FADS3: variants seen among roughly 807,000 people sequenced by gnomAD.
FADS3 encodes cytochrome b5-related protein.
Under a neutral mutation model 60.4 loss-of-function variants are expected in FADS3, and 30 were observed. That is an observed-to-expected ratio of 0.50 (90% CI 0.37 to 0.67). The LOEUF is 0.67. Ranked by LOEUF, FADS3 falls within the 30% of genes least tolerant of loss-of-function variation. The pLI, the probability that FADS3 is intolerant of heterozygous loss-of-function variation, is 0.00. For synonymous variants in FADS3, 234 were observed against 249.3 expected, an observed-to-expected ratio of 0.94 and a Z score of 0.58; for missense variants, 432 against 598.3, an observed-to-expected ratio of 0.72 and a Z score of 2.90.
chr11:61,886,966 G>C (rs1286598919), intron 1 of FADS3, among the ~76,000 whole-genome samples: 1 of 152,188 alleles, frequency 6.6e-6, no homozygotes, highest in Non-Finnish European at 1.5e-5. Flanking sequence ...ACAGTTGTTA[G>C]GGCTTCAGCC....
intron 1 of FADS3, among the ~76,000 whole-genome samples, chr11:61,884,508 G>A (rs765221720): frequency 4.6e-5 from 7 of 152,182 alleles, no homozygotes; most frequent in Non-Finnish European, 8.8e-5. Context: ...TGTGCTTGTC[G>A]CCACTCCTGG....
Position 61,880,064 on chromosome 11 carries a change from G to A in FADS3, c.301C>T (p.Pro101Ser), listed in dbSNP as rs1247546556. The change falls in exon 2 of 12, where the codon CCC becomes TCC. Residue 101 changes from proline (P) to serine (S), a missense_variant. Physicochemically the swap from Pro to Ser is moderately conservative, Grantham distance 74 (BLOSUM62 -1). Coordinates refer to ENST00000278829, the MANE Select transcript of FADS3 (RefSeq NM_021727.5). ...ACATTCAGGGGTCCATCCTGGCTGG[G>A]TTCTTCCGGAGCCAGCTCTCCAATC... ...LLIGELAPEEPSQDGPLNAQL... is the reference protein window; with the variant it reads ...LLIGELAPEESSQDGPLNAQL... The A allele has an allele frequency of 6.8e-6, 11 of 1,614,026 alleles. No homozygotes were observed. The highest frequency in any genetic ancestry group is 1.7e-4 in the Middle Eastern group (1 of 6,060).
In FADS3 at chr11:61,880,367, C is replaced by T. The variant is rs928372109; in HGVS notation, c.214-216G>A. The T allele has an allele frequency of 1.2e-5, 5 of 428,232 alleles. No homozygotes were observed. The Admixed American group carries it at 1.9e-4, about 17-fold the overall frequency. 26.5% of individuals were successfully genotyped at this position (428,232 alleles called of 1,614,324 possible). A position where few individuals can be genotyped will look rare whatever the true frequency, so the allele number is the denominator to read the frequency against. On this transcript the variant is annotated intron_variant, in intron 1 of 11. Transcript: ENST00000278829. ...GCTTTTCACCCATTGCCTGCTGTGC[C>T]CCATCCACTTCACCCAGCACAAGGG...
In FADS3 at chr11:61,873,530, T is replaced by C; in HGVS notation, c.*284A>G. The stretch of plus-strand genomic sequence containing the variant: ...ATTCACCACTCCACTCCATAATACA[T>C]CTGAATGTATTTTAATATAAAAATA... On this transcript the variant is annotated 3_prime_UTR_variant, in exon 12 of 12. Coordinates refer to ENST00000278829, the MANE Select transcript of FADS3 (RefSeq NM_021727.5). 2 of 508,746 alleles carry C rather than the reference T, an allele frequency of 3.9e-6. No individual in the cohort carries two copies. The highest frequency in any genetic ancestry group is 3.7e-5 in the East Asian group (1 of 26,674). 31.5% of individuals were successfully genotyped at this position (508,746 alleles called of 1,614,324 possible).
Position 61,877,473 on chromosome 11 carries a change from G to A in FADS3, c.885+38C>T. On this transcript the variant is annotated intron_variant, in intron 7 of 11. Transcript: ENST00000278829. The surrounding 1 kb of genome is among the most constrained non-coding windows in gnomAD (Gnocchi z 4.7). ...CCCCGAGGCACCACCTCCTGCCACG[G>A]CAGCCGTATGCCCGGGGTCCTGGGC... The A allele has an allele frequency of 6.3e-7, 1 of 1,599,804 alleles. No homozygotes were observed. Among genetic ancestry groups the A allele is most frequent in the Admixed American group, 1.7e-5 (1 of 59,992 alleles).
In FADS3 at chr11:61,876,216, T is replaced by C; in HGVS notation, c.1081-26A>G. 1.3e-6 allele frequency: 2 copies of C among 1,585,828 alleles called. No individual in the cohort carries two copies. Among genetic ancestry groups the C allele is most frequent in the Non-Finnish European group, 1.7e-6 (2 of 1,166,644 alleles). On this transcript the variant is annotated intron_variant, in intron 9 of 11. Coordinates refer to ENST00000278829, the MANE Select transcript of FADS3 (RefSeq NM_021727.5). The surrounding 1 kb of genome is among the most constrained non-coding windows in gnomAD (Gnocchi z 5.7). ...CTGCCGGAAGCCGGCGGGGCACATG[T>C]GAGGAGGCCGTTGCAGATCCCTGAC...
At position 61,884,217 on chromosome 11, in the gene FADS3, G is replaced by C. The variant is rs78811575; in HGVS notation, c.214-4066C>G. 7.8e-3 allele frequency among the ~76,000 whole-genome samples: 1,183 copies of C among 152,270 alleles called. 17 individuals are homozygous for C. The highest frequency in any genetic ancestry group is 0.027 in the African/African-American group (1,110 of 41,530). On this transcript the variant is annotated intron_variant, in intron 1 of 11. Transcript: ENST00000278829. ...GTTCCATTTGACCGAGGTTAGATCA[G>C]AGTCCAGGTCTCTTCTCACTCATAA...
In FADS3 at chr11:61,877,829, C is replaced by A. The variant is rs567396015; in HGVS notation, c.809-242G>T. ...GGCCAGACTTGAGTCCTCACTCTGT[C>A]CGCCCCAACAACTGCCCAAAGACTC... is the stretch of plus-strand genomic sequence containing the variant. On this transcript the variant is annotated intron_variant, in intron 6 of 11. Transcript: ENST00000278829. This position sits in a 1 kb window ranked among gnomAD's most constrained non-coding sequence, Gnocchi z 4.7. 29 of 596,336 alleles carry A rather than the reference C, an allele frequency of 4.9e-5. No homozygotes were observed. The highest frequency in any genetic ancestry group is 4.5e-4 in the Middle Eastern group (1 of 2,242). 36.9% of individuals were successfully genotyped at this position (596,336 alleles called of 1,614,324 possible). A position where few individuals can be genotyped will look rare whatever the true frequency, so the allele number is the denominator to read the frequency against.
Position 61,876,392 on chromosome 11 carries a change from G to T in FADS3, c.1047C>A (p.Gly349=). The change falls in exon 9 of 12, where the codon GGC becomes GGA. Residue 349 remains glycine (G), a synonymous_variant. Transcript: ENST00000278829. The surrounding 1 kb of genome is among the most constrained non-coding windows in gnomAD (Gnocchi z 5.7). The stretch of plus-strand genomic sequence containing the variant: ...TGACCCAGTCCCGGTGCTTCTCGTG[G>T]CCGATCTCCTTGGGGATGTGGTTCA... The part of the protein sequence containing the change: ...TQMNHIPKEI[G]HEKHRDWVSS... 1 of 1,613,374 alleles carries T rather than the reference G, an allele frequency of 6.2e-7. No homozygotes were observed. Among genetic ancestry groups the T allele is most frequent in the Non-Finnish European group, 8.5e-7 (1 of 1,180,016 alleles).
chr11:61,878,294 G>A, intron 5 of FADS3, 79 bp from the exon 6 acceptor site: 1 of 1,498,742 alleles, frequency 6.7e-7, no homozygotes, highest in Non-Finnish European at 9.3e-7. Flanking sequence ...GGGGCTGGCT[G>A]GGGCCAAGGG....
At chr11:61,874,992 T>A (rs1452550124) in intron 11 of FADS3, among the ~76,000 whole-genome samples, 1 of 152,212 alleles carries the variant, frequency 6.6e-6, no homozygotes, top group Non-Finnish European at 1.5e-5. Flanking sequence ...GGCAATGCCA[T>A]CTTCAAGCAA....
At position 61,876,555 on chromosome 11, in the gene FADS3, T is replaced by C. The variant is rs968007003; in HGVS notation, c.984-100A>G. Reference sequence around the variant, plus strand: ...TGTCCCCAAGTGGCCTTGACTTCCTTATCTGTACAATAGGATTGTGGCCAT... The same window carrying C: ...TGTCCCCAAGTGGCCTTGACTTCCTCATCTGTACAATAGGATTGTGGCCAT... On this transcript the variant is annotated intron_variant, in intron 8 of 11. Coordinates refer to ENST00000278829, the MANE Select transcript of FADS3 (RefSeq NM_021727.5). The surrounding 1 kb of genome is among the most constrained non-coding windows in gnomAD (Gnocchi z 5.7). 2.2e-6 allele frequency: 2 copies of C among 909,652 alleles called. No individual in the cohort carries two copies. Among genetic ancestry groups the C allele is most frequent in the African/African-American group, 1.6e-5 (1 of 61,854 alleles). 56.3% of individuals were successfully genotyped at this position (909,652 alleles called of 1,614,324 possible).
intron 1 of FADS3, among the ~76,000 whole-genome samples, chr11:61,884,046 C>G (rs907971746): frequency 2.0e-5 from 3 of 152,184 alleles, no homozygotes; most frequent in African/African-American, 7.2e-5. Flanking sequence ...GGCCTGGACT[C>G]AGGCCGAAAC....
chr11:61,875,521 CCG>C (rs1162942855), intron 11 of FADS3, among the ~76,000 whole-genome samples: 4 of 152,064 alleles, frequency 2.6e-5, no homozygotes, highest in African/African-American at 9.7e-5. Context: ...GCGTGAGCCA[CCG>C]CACCCGGCCC....
At chr11:61,878,413 G>T in intron 5 of FADS3, 99 bp downstream of exon 5, 1 of 1,526,296 alleles carries the variant, frequency 6.6e-7, no homozygotes, top group South Asian at 1.2e-5. Context: ...GTGGAGGCCA[G>T]ATCAGGGGCT....
rs1938007514 is a variant in FADS3 at position 61,878,645 on chromosome 11, G to A, written c.625-11C>T. 6.2e-7 allele frequency: 1 copy of A among 1,614,030 alleles called. No individual in the cohort carries two copies. Among genetic ancestry groups the A allele is most frequent in the Non-Finnish European group, 8.5e-7 (1 of 1,179,944 alleles). On this transcript the variant is annotated splice_polypyrimidine_tract_variant and intron_variant, in intron 4 of 11. Coordinates refer to ENST00000278829, the MANE Select transcript of FADS3 (RefSeq NM_021727.5). ...GTGGGCGGAGAAGCCCTGTGGAGGA[G>A]GAGGGGGCTCTCAGGGCAGGCTGTG...
rs779465299 is a variant in FADS3 at position 61,891,153 on chromosome 11, C to T, written c.213+16G>A. On this transcript the variant is annotated intron_variant, in intron 1 of 11. Coordinates refer to ENST00000278829, the MANE Select transcript of FADS3 (RefSeq NM_021727.5). ...GCTCCACCCGCCGGTGGGTGGCTTC[C>T]TTATGGCTTCCTTACCGTGGCGTCC... 6.4e-7 allele frequency: 1 copy of T among 1,552,588 alleles called. No homozygotes were observed. The highest frequency in any genetic ancestry group is 1.7e-4 in the Middle Eastern group (1 of 5,856).
chr11:61,891,078 C>T, intron 1 of FADS3, 91 bp downstream of exon 1: 1 of 1,136,422 alleles, frequency 8.8e-7, no homozygotes, highest in Non-Finnish European at 1.3e-6. Flanking sequence ...AGGGAGGATG[C>T]TAAGGCCCCA....
chr11:61,878,379 G>A, intron 5 of FADS3, 133 bp downstream of exon 5: 1 of 1,415,698 alleles, frequency 7.1e-7, no homozygotes, highest in Non-Finnish European at 9.8e-7. Context: ...GAAAGACACG[G>A]GGGCAGAGCT....
Sources: allele counts gnomAD v4.1 joint callset (sites outside exome capture counted in the v4.1 genomes callset), GRCh38; gene constraint gnomAD v4.1.1; non-coding constraint Gnocchi (gnomAD v3.1); transcripts MANE v1.5; gene names NCBI Gene and HGNC (gene_info 2026-07-23, HGNC 2026-07-21).